The following PIKFYVE variants were observed in gnomAD, a reference collection of about 807,000 sequenced individuals.
The protein encoded by PIKFYVE is 1-phosphatidylinositol 3-phosphate 5-kinase.
Under a neutral mutation model 257.9 loss-of-function variants are expected in PIKFYVE, and 122 were observed. The observed-to-expected ratio is 0.47, with a 90% CI of 0.41 to 0.55. The LOEUF is 0.55. PIKFYVE is among the 20% of genes least tolerant of loss of function. The pLI, the probability that PIKFYVE is intolerant of heterozygous loss-of-function variation, is 0.00. For synonymous variants in PIKFYVE, 892 were observed against 868.9 expected (o/e 1.03, Z -0.47); for missense variants, 2,160 against 2,536.6 (o/e 0.85, Z 3.19).
chr2:208,283,000 C>T (rs1691033657), intron 5 of PIKFYVE, among the ~76,000 whole-genome samples: 1 of 152,154 alleles, frequency 6.6e-6, no homozygotes, highest in African/African-American at 2.4e-5. Context: ...AGGTGGAGCT[C>T]AGGAGGTAAT....
chr2:208,343,534 G>T (rs1698923671), intron 32 of PIKFYVE, among the ~76,000 whole-genome samples: 1 of 152,142 alleles, frequency 6.6e-6, no homozygotes, highest in African/African-American at 2.4e-5. Context: ...CCTAGCCACA[G>T]TAAGAGATGA....
rs200317701 is a variant in PIKFYVE, at chr2:208,321,560, T to TTTTTCTTTTC, written c.2190+1206_2190+1215dup. On this transcript the variant is annotated intron_variant, in intron 17 of 41. Transcript: ENST00000264380. ...AATAAAGGGAAATACTTCTTTTTTCTTTTTCTTTTCTTTTGTTTTTTTTTT... is the reference window on the plus strand; with the variant it reads ...AATAAAGGGAAATACTTCTTTTTTCTTTTTCTTTTCTTTTCTTTTCTTTTGTTTTTTTTTT... Among the ~76,000 whole-genome samples the TTTTTCTTTTC allele has an allele frequency of 1.1e-3, 17 of 16,190 alleles. 1 individual carries two copies. The highest frequency in any genetic ancestry group is 2.3e-3 in the Non-Finnish European group (8 of 3,510). 10.6% of individuals were successfully genotyped at this position (16,190 alleles called of 152,430 possible). A position where few individuals can be genotyped will look rare whatever the true frequency, so the allele number is the denominator to read the frequency against.
chr2:208,288,452 C>T (rs1315399250), intron 6 of PIKFYVE, among the ~76,000 whole-genome samples: 1 of 152,086 alleles, frequency 6.6e-6, no homozygotes, highest in East Asian at 1.9e-4. Flanking sequence ...TAATGTTAGA[C>T]GTTTCAAAGG....
intron 9 of PIKFYVE, among the ~76,000 whole-genome samples, chr2:208,301,299 C>T (rs1267010662): frequency 6.6e-6 from 1 of 152,056 alleles, no homozygotes; most frequent in African/African-American, 2.4e-5. Context: ...TACAAGGAGC[C>T]AAATAGGATC....
rs368287863 is a variant in PIKFYVE at position 208,310,205 on chromosome 2, G to A, written c.1637-2031G>A. Among the ~76,000 whole-genome samples, 11 of 152,202 alleles carry A rather than the reference G, an allele frequency of 7.2e-5. No homozygotes were observed. In the South Asian group the frequency reaches 2.3e-3, roughly 32 times the overall value. The stretch of plus-strand genomic sequence containing the variant: ...CTGGTAGTTACGTGAAAAAATAATA[G>A]AATTCTTTTGCCTCTGGTTTTCATT... On this transcript the variant is annotated intron_variant, in intron 12 of 41. Transcript: ENST00000264380.
intron 9 of PIKFYVE, 60 bp from the exon 10 acceptor site, chr2:208,302,182 T>C (rs965531148): frequency 2.9e-6 from 4 of 1,392,464 alleles, no homozygotes; most frequent in South Asian, 2.3e-5. Context: ...GTGTCTTATC[T>C]GGTACTTAAC....
chr2:208,302,593 TAATC>T (rs977956881), intron 10 of PIKFYVE: 174 of 477,178 alleles, frequency 3.6e-4, no homozygotes, highest in Middle Eastern at 1.9e-3. Context: ...AGGAAAAAGA[TAATC>T]AAACACTTTT....
rs746596974 is a variant in PIKFYVE at position 208,326,137 on chromosome 2, A to T, written c.3326A>T (p.Asp1109Val). 29 of 1,614,030 alleles carry T rather than the reference A, an allele frequency of 1.8e-5. No individual in the cohort carries two copies. Among genetic ancestry groups the T allele is most frequent in the Non-Finnish European group, 2.3e-5 (27 of 1,180,044 alleles). Residue 1109 changes from aspartate (D) to valine (V), a missense_variant, in exon 20 of 42, where the codon GAT becomes GTT. Coordinates refer to ENST00000264380, the MANE Select transcript of PIKFYVE (RefSeq NM_015040.4). ...AGGAGGAAGAAACAGCTGCTCAGGG[A>T]TCTCTCTGGACTTCAGGGCATGAAT... is the stretch of plus-strand genomic sequence containing the variant. ...ENRRKKQLLR[D>V]LSGLQGMNGS...
chr2:208,303,015 G>GA (rs563940076), intron 10 of PIKFYVE, among the ~76,000 whole-genome samples: 9 of 152,230 alleles, frequency 5.9e-5, no homozygotes, highest in African/African-American at 2.2e-4. Context: ...CTGGGAGGTG[G>GA]AGCTTGCAGT....
intron 6 of PIKFYVE, among the ~76,000 whole-genome samples, chr2:208,286,383 A>G (rs1232295016): frequency 6.6e-6 from 1 of 152,032 alleles, no homozygotes; most frequent in Non-Finnish European, 1.5e-5. Flanking sequence ...TTCTGAAGGT[A>G]TATGTCATGT....
At chr2:208,322,578 G>A (rs1423214573) in intron 17 of PIKFYVE, among the ~76,000 whole-genome samples, 1 of 151,558 alleles carries the variant, frequency 6.6e-6, no homozygotes, top group Non-Finnish European at 1.5e-5. Flanking sequence ...GCATAATCAA[G>A]TTTAGAATGA....
In PIKFYVE at chr2:208,312,269, T is replaced by C. The variant is rs1000059727; in HGVS notation, c.1670T>C (p.Leu557Pro). The C allele has an allele frequency of 1.2e-6, 2 of 1,611,724 alleles. No individual in the cohort carries two copies. Among genetic ancestry groups the C allele is most frequent in the African/African-American group, 2.7e-5 (2 of 75,000 alleles). Residue 557 changes from leucine to proline, a missense_variant, in exon 13 of 42, where the codon CTC becomes CCC. Coordinates refer to ENST00000264380, the MANE Select transcript of PIKFYVE (RefSeq NM_015040.4). ...YLISDTGGQQ[L>P]SISDAFIKES... is the part of the protein sequence containing the mutation. Reference sequence around the variant, plus strand: ...ATTTCTGACACTGGAGGACAACAGCTCTCAATAAGTGACGCTTTCATCAAA... The same window carrying C: ...ATTTCTGACACTGGAGGACAACAGCCCTCAATAAGTGACGCTTTCATCAAA...
At chr2:208,296,368 TGTA>T (rs999698218) in intron 7 of PIKFYVE, among the ~76,000 whole-genome samples, 10 of 152,130 alleles carry the variant, frequency 6.6e-5, no homozygotes, top group Non-Finnish European at 1.2e-4. Flanking sequence ...ATCAACTGGA[TGTA>T]GGCTTCAACA....
At chr2:208,276,067 G>T (rs1171674886) in intron 3 of PIKFYVE, among the ~76,000 whole-genome samples, 1 of 152,162 alleles carries the variant, frequency 6.6e-6, no homozygotes. Context: ...TTGGGGAAGT[G>T]ACAGGGAAGG....
At position 208,358,085 on chromosome 2, in the gene PIKFYVE, T is replaced by C. The variant is rs1700261213; in HGVS notation, c.*2780T>C. On this transcript the variant is annotated 3_prime_UTR_variant, in exon 42 of 42. Transcript: ENST00000264380. ...CAAAATTTCCTACAAACTATAATTT[T>C]TTCCATGATTTAGCAGTGAGTGATT... The C allele has an allele frequency of 6.6e-6, 1 of 152,232 alleles. No homozygotes were observed. The highest frequency in any genetic ancestry group is 6.5e-5 in the Admixed American group (1 of 15,276). 9.4% of individuals were successfully genotyped at this position (152,232 alleles called of 1,614,324 possible).
chr2:208,358,565 TTTTAA>T lies in PIKFYVE; in HGVS notation c.*3267_*3271del, dbSNP rs1157096918. On this transcript the variant is annotated 3_prime_UTR_variant, in exon 42 of 42. Transcript: ENST00000264380. ...TGACATTGTAAATCATAGTAGCCTCTTTTAATTTAATATGAAAAATGCCACTATAT... is the reference window on the plus strand; with the variant it reads ...TGACATTGTAAATCATAGTAGCCTCTTTTAATATGAAAAATGCCACTATAT... The T allele has an allele frequency of 6.5e-5, 10 of 152,740 alleles. No individual in the cohort carries two copies. The highest frequency in any genetic ancestry group is 1.9e-4 in the African/African-American group (8 of 41,582). The allele number at this position is 152,740 out of a possible 1,614,324, so 9.5% of individuals were successfully genotyped here.
At chr2:208,348,599 A>AGTGTGTGTGTGTGTGTGTGTGTGT (rs35997291) in intron 35 of PIKFYVE, among the ~76,000 whole-genome samples, 9 of 128,984 alleles carry the variant, frequency 7.0e-5, no homozygotes, top group Admixed American at 1.6e-4. Flanking sequence ...AAAAAAAAAA[A>AGTGTGTGTGTGTGTGTGTGTGTGT]GTGTGTGTGT....
chr2:208,315,231 A>T lies in PIKFYVE; in HGVS notation c.1865A>T (p.Gln622Leu). 1 of 1,614,158 alleles carries T rather than the reference A, an allele frequency of 6.2e-7. No individual in the cohort carries two copies. The highest frequency in any genetic ancestry group is 1.1e-5 in the South Asian group (1 of 91,080). Residue 622 changes from glutamine to leucine, a missense_variant, in exon 15 of 42, where the codon CAG (glutamine) becomes CTG (leucine). Gln to Leu is a moderately radical substitution (Grantham distance 113). Coordinates refer to ENST00000264380, the MANE Select transcript of PIKFYVE (RefSeq NM_015040.4). Reference sequence around the variant, plus strand: ...AACCACATGATGGCACTACTCCAGCAGTTGCTCCATAGTGACTCACTGTCA... The same window carrying T: ...AACCACATGATGGCACTACTCCAGCTGTTGCTCCATAGTGACTCACTGTCA... ...NHNHMMALLQ[Q>L]LLHSDSLSSS...
intron 17 of PIKFYVE, among the ~76,000 whole-genome samples, chr2:208,323,857 C>G (rs928065919): frequency 5.3e-5 from 8 of 152,130 alleles, no homozygotes; most frequent in African/African-American, 1.9e-4. Flanking sequence ...TCTCTGATGG[C>G]CAGTGATGAT....
Sources: gnomAD v4.1 joint callset for allele counts (sites outside exome capture counted in the v4.1 genomes callset) on GRCh38, gnomAD v4.1.1 for gene constraint, MANE v1.5 for transcripts, NCBI Gene and HGNC (gene_info 2026-07-23, HGNC 2026-07-21) for gene names.